HCN2: variants seen among roughly 807,000 people sequenced by gnomAD.
HCN2 encodes the protein potassium/sodium hyperpolarization-activated cyclic nucleotide-gated channel 2.
In HCN2, 20 loss-of-function variants were observed where a neutral mutation model predicts 52.3. The ratio of observed to expected loss-of-function variants is 0.38; its 90% CI spans 0.27 to 0.56. The LOEUF is 0.56. HCN2 is among the 20% of genes least tolerant of loss of function. The pLI is 0.71. For missense variants in HCN2, 981 were observed against 1,207.7 expected, an observed-to-expected ratio of 0.81 and a Z score of 2.78; for synonymous variants, 694 against 537.0, an observed-to-expected ratio of 1.29 and a Z score of -4.04.
chr19:614,262 C>T (rs1352058983), intron 7 of HCN2, among the ~76,000 whole-genome samples: 8 of 152,192 alleles, frequency 5.3e-5, no homozygotes, highest in African/African-American at 9.7e-5. Flanking sequence ...GATTTTCTGA[C>T]CTATTGTCCT....
Position 615,996 on chromosome 19 carries a change from A to T in HCN2, c.2192A>T (p.Gln731Leu). 1 of 1,566,164 alleles carries T rather than the reference A, an allele frequency of 6.4e-7. No homozygotes were observed. Among genetic ancestry groups the T allele is most frequent in the Non-Finnish European group, 8.6e-7 (1 of 1,161,512 alleles). ...GTCACCTCGGCCATCGCCACGCTGC[A>T]GCAGGCGGCGGCCATGAGCTTCTGC... ...PQVTSAIATL[Q>L]QAAAMSFCPQ... Residue 731 changes from glutamine (Q) to leucine (L), a missense_variant, in exon 8 of 8, where the codon CAG (glutamine) becomes CTG (leucine). Around this residue, in one of 6 missense-constraint regions of HCN2, gnomAD observed 368 missense variants for 314.8 expected, o/e 1.17. Coordinates refer to ENST00000251287, the MANE Select transcript of HCN2 (RefSeq NM_001194.4).
chr19:605,274 G>A (rs1446574349), intron 3 of HCN2, 52 bp downstream of exon 3: 3 of 1,575,678 alleles, frequency 1.9e-6, no homozygotes, highest in Non-Finnish European at 2.6e-6. Context: ...CCATACAGAG[G>A]GGGGACCCAG....
In HCN2 at chr19:613,523, G is replaced by T. The variant is rs201288775; in HGVS notation, c.1825+35G>T. ...AGGGGGGCGCGCCTGGAGGGGGAGG[G>T]GGCACGCGACCCCCGCGGTGTGCAG... On this transcript the variant is annotated intron_variant, in intron 6 of 7. Coordinates refer to ENST00000251287, the MANE Select transcript of HCN2 (RefSeq NM_001194.4). 35 of 997,740 alleles carry T rather than the reference G, an allele frequency of 3.5e-5. 1 individual carries two copies. The Admixed American group carries it at 5.9e-4, about 17-fold the overall frequency. The allele number at this position is 997,740 out of a possible 1,614,324, so 61.8% of individuals were successfully genotyped here.
Position 617,143 on chromosome 19 carries a change from G to C in HCN2, c.*669G>C, listed in dbSNP as rs1453350458. 1 of 566,316 alleles carries C rather than the reference G, an allele frequency of 1.8e-6. No individual in the cohort carries two copies. The highest frequency in any genetic ancestry group is 2.3e-5 in the Admixed American group (1 of 43,730). 35.1% of individuals were successfully genotyped at this position (566,316 alleles called of 1,614,324 possible). A position where few individuals can be genotyped will look rare whatever the true frequency, so the allele number is the denominator to read the frequency against. Reference sequence around the variant, plus strand: ...CACACCCCCATTCCGCGCAATAAACGACAGCATTGGCGCCAAGCCTGGCCG... The same window carrying C: ...CACACCCCCATTCCGCGCAATAAACCACAGCATTGGCGCCAAGCCTGGCCG... On this transcript the variant is annotated 3_prime_UTR_variant, in exon 8 of 8. Transcript: ENST00000251287.
At chr19:610,837 C>T (rs979064670) in intron 5 of HCN2, among the ~76,000 whole-genome samples, 1 of 152,174 alleles carries the variant, frequency 6.6e-6, no homozygotes, top group Non-Finnish European at 1.5e-5. Flanking sequence ...GGCTGAGTGG[C>T]TTGAACAGCG....
At chr19:596,864 CA>C (rs1411946475) in intron 1 of HCN2, among the ~76,000 whole-genome samples, 4 of 152,212 alleles carry the variant, frequency 2.6e-5, no homozygotes, top group East Asian at 3.9e-4. Flanking sequence ...GAGGGTCTCC[CA>C]AGGTCACTCA....
chr19:603,322 G>A (rs903891006), intron 1 of HCN2, among the ~76,000 whole-genome samples: 3 of 78,576 alleles, frequency 3.8e-5, no homozygotes, highest in Admixed American at 3.0e-4. Flanking sequence ...AGGAATGCCC[G>A]GGGCTGGTCC....
intron 1 of HCN2, among the ~76,000 whole-genome samples, chr19:597,749 TC>T (rs750224641): frequency 9.9e-5 from 15 of 151,446 alleles, no homozygotes; most frequent in African/African-American, 2.4e-4. Flanking sequence ...GGTTTCTAGG[TC>T]CTCCTGGTGG....
rs1442975645 is a variant in HCN2 at position 590,793 on chromosome 19, GC to G, written c.632+222del. The G allele has an allele frequency of 3.7e-5, 11 of 298,656 alleles. No homozygotes were observed. The Admixed American group carries it at 5.2e-4, about 14-fold the overall frequency. 18.5% of individuals were successfully genotyped at this position (298,656 alleles called of 1,614,324 possible). ...GGGGCTCCCCGGGTGACCGCGGAGC[GC>G]CCCCCTCCCACGCACCCCGACATCC... On this transcript the variant is annotated intron_variant, in intron 1 of 7. Coordinates refer to ENST00000251287, the MANE Select transcript of HCN2 (RefSeq NM_001194.4). The surrounding 1 kb of genome is among the most constrained non-coding windows in gnomAD (Gnocchi z 7.2).
In HCN2 at chr19:616,605, T is replaced by G; in HGVS notation, c.*131T>G. 3 of 500,548 alleles carry G rather than the reference T, an allele frequency of 6.0e-6. No homozygotes were observed. The highest frequency in any genetic ancestry group is 8.4e-6 in the Non-Finnish European group (3 of 356,398). 31.0% of individuals were successfully genotyped at this position (500,548 alleles called of 1,614,324 possible). A position where few individuals can be genotyped will look rare whatever the true frequency, so the allele number is the denominator to read the frequency against. ...ATAGACGAGACGTAGGTAGCCGTAG[T>G]TGGACGGACGGGCAGGGCCGGCGGG... On this transcript the variant is annotated 3_prime_UTR_variant, in exon 8 of 8. Transcript: ENST00000251287.
At position 604,304 on chromosome 19, in the gene HCN2, A is replaced by G. The variant is rs182960665; in HGVS notation, c.1056+337A>G. Among the ~76,000 whole-genome samples, 346 of 88,284 alleles carry G rather than the reference A, an allele frequency of 3.9e-3. 1 individual carries two copies. The highest frequency in any genetic ancestry group is 0.014 in the East Asian group (33 of 2,306). The allele number at this position is 88,284 out of a possible 152,430, so 57.9% of individuals were successfully genotyped here. ...TCAAGGCCCCAGGGATGGGGCTATG[A>G]GAGATCTGGGTGGGGTCAAGGCCCC... is the stretch of plus-strand genomic sequence containing the variant. On this transcript the variant is annotated intron_variant, in intron 2 of 7. Coordinates refer to ENST00000251287, the MANE Select transcript of HCN2 (RefSeq NM_001194.4).
intron 7 of HCN2, among the ~76,000 whole-genome samples, chr19:615,487 C>G (rs1983857759): frequency 6.6e-6 from 1 of 152,158 alleles, no homozygotes; most frequent in Non-Finnish European, 1.5e-5. Flanking sequence ...GCACTCCAGC[C>G]CGGGCGACAG....
rs142638764 is a variant in HCN2, at chr19:598,072, C to A, written c.633-5472C>A. On this transcript the variant is annotated intron_variant, in intron 1 of 7. Coordinates refer to ENST00000251287, the MANE Select transcript of HCN2 (RefSeq NM_001194.4). Reference sequence around the variant, plus strand: ...GGCTGGGGCTGAGCTCCACGGTGAGCCCCCTCGGGGCTGAGGGGCAGGGGG... The same window carrying A: ...GGCTGGGGCTGAGCTCCACGGTGAGACCCCTCGGGGCTGAGGGGCAGGGGG... Among the ~76,000 whole-genome samples, 1,100 of 152,292 alleles carry A rather than the reference C, an allele frequency of 7.2e-3. 15 individuals are homozygous for A. Among genetic ancestry groups the A allele is most frequent in the South Asian group, 0.028 (137 of 4,824 alleles).
At chr19:601,485 C>G (rs1983199469) in intron 1 of HCN2, among the ~76,000 whole-genome samples, 1 of 152,138 alleles carries the variant, frequency 6.6e-6, no homozygotes, top group South Asian at 2.1e-4. Context: ...CTGCCTCTGC[C>G]TTTTTGCTAC....
At position 614,249 on chromosome 19, in the gene HCN2, GCTGATTTT is replaced by G. The variant is rs1983803631; in HGVS notation, c.1990+238_1990+245del. Among the ~76,000 whole-genome samples the G allele has an allele frequency of 2.6e-5, 4 of 152,294 alleles. No homozygotes were observed. In the South Asian group the frequency reaches 8.3e-4, roughly 32 times the overall value. ...TCCTAGGACCCCTTTGGGTCTAGAG[GCTGATTTT>G]CTGACCTATTGTCCTACTTCAGCCA... On this transcript the variant is annotated intron_variant, in intron 7 of 7. Coordinates refer to ENST00000251287, the MANE Select transcript of HCN2 (RefSeq NM_001194.4).
At chr19:614,386 G>A (rs1265797690) in intron 7 of HCN2, among the ~76,000 whole-genome samples, 6 of 152,188 alleles carry the variant, frequency 3.9e-5, no homozygotes, top group South Asian at 2.1e-4. Flanking sequence ...GGACAGACCC[G>A]GGGGCCCACT....
At chr19:610,472 C>G in intron 5 of HCN2, 67 bp downstream of exon 5, 1 of 1,467,126 alleles carries the variant, frequency 6.8e-7, no homozygotes, top group Non-Finnish European at 9.4e-7. Flanking sequence ...CTCCTGGAGC[C>G]CAGGAGCCGG....
chr19:612,158 G>C (rs1220541846), intron 5 of HCN2, among the ~76,000 whole-genome samples: 2 of 150,552 alleles, frequency 1.3e-5, no homozygotes, highest in Non-Finnish European at 3.0e-5. Context: ...AAAAAAAAAA[G>C]TACCAAAAAG....
In HCN2 at chr19:610,324, C is replaced by T. The variant is rs145767637; in HGVS notation, c.1503C>T (p.His501=). 1.2e-4 allele frequency: 186 copies of T among 1,613,712 alleles called. No homozygotes were observed. The highest frequency in any genetic ancestry group is 3.3e-4 in the Middle Eastern group (2 of 6,062). ...CAGCTGACTTCCGCCAGAAGATCCA[C>T]GACTACTATGAGCACCGTTACCAGG... ...KLPADFRQKI[H]DYYEHRYQGK... Residue 501 remains histidine (H), a synonymous_variant, in exon 5 of 8, where the codon CAC becomes CAT. Transcript: ENST00000251287.
Sources: gnomAD v4.1 joint callset for allele counts (sites outside exome capture counted in the v4.1 genomes callset) on GRCh38, gnomAD v4.1.1 for gene constraint, gnomAD v4.1.1 regional missense constraint, Gnocchi (gnomAD v3.1) non-coding constraint, MANE v1.5 for transcripts, NCBI Gene and HGNC (gene_info 2026-07-23, HGNC 2026-07-21) for gene names.